GNG12: variants seen among roughly 807,000 people sequenced by gnomAD.
GNG12 encodes G protein subunit gamma 12, also known as guanine nucleotide-binding protein G(I)/G(S)/G(O) subunit gamma-12.
For missense variants in GNG12, 69 were observed against 83.8 expected (o/e 0.82, Z 0.69); for synonymous variants, 28 against 29.7 (o/e 0.94, Z 0.19).
intron 2 of GNG12, among the ~76,000 whole-genome samples, chr1:67,723,257 T>A (rs545571396): frequency 1.3e-5 from 2 of 152,286 alleles, no homozygotes; most frequent in South Asian, 4.1e-4. Flanking sequence ...AGAGGATGGC[T>A]TTGAGCCTTT....
At chr1:67,800,423 A>G (rs1354688132) in intron 1 of GNG12, among the ~76,000 whole-genome samples, 1 of 152,166 alleles carries the variant, frequency 6.6e-6, no homozygotes, top group Non-Finnish European at 1.5e-5. Context: ...CTTTTTTGAG[A>G]AAATGTCTGC....
At chr1:67,751,726 CT>C (rs1260580385) in intron 2 of GNG12, among the ~76,000 whole-genome samples, 3 of 152,202 alleles carry the variant, frequency 2.0e-5, no homozygotes, top group Non-Finnish European at 4.4e-5. Context: ...TCCAGCATGG[CT>C]TGTGAGACAT....
intron 2 of GNG12, among the ~76,000 whole-genome samples, chr1:67,755,471 A>G (rs1019487979): frequency 1.3e-4 from 20 of 152,204 alleles, no homozygotes; most frequent in African/African-American, 4.8e-4. Flanking sequence ...TGTATCTCCC[A>G]GAGGCTGGTG....
intron 2 of GNG12, among the ~76,000 whole-genome samples, chr1:67,730,304 A>G (rs984432151): frequency 6.6e-6 from 1 of 152,246 alleles, no homozygotes; most frequent in African/African-American, 2.4e-5. Context: ...GTCCGAGACC[A>G]GCCTCGCCAA....
At chr1:67,812,849 C>T (rs1646933379) in intron 1 of GNG12, among the ~76,000 whole-genome samples, 1 of 152,210 alleles carries the variant, frequency 6.6e-6, no homozygotes, top group East Asian at 1.9e-4. Flanking sequence ...CAGACTGAAC[C>T]TGTCCTTCAT....
chr1:67,775,810 G>A (rs984972174), intron 2 of GNG12, among the ~76,000 whole-genome samples: 6 of 152,158 alleles, frequency 3.9e-5, no homozygotes, highest in Non-Finnish European at 7.3e-5. Flanking sequence ...TAGAAAGGAA[G>A]GCCATGTCAT....
At chr1:67,748,755 G>A (rs1286935467) in intron 2 of GNG12, among the ~76,000 whole-genome samples, 1 of 152,196 alleles carries the variant, frequency 6.6e-6, no homozygotes. Flanking sequence ...GAGAGCATGT[G>A]AGATCTGAAA....
intron 2 of GNG12, among the ~76,000 whole-genome samples, chr1:67,727,910 C>T (rs976107235): frequency 6.6e-6 from 1 of 152,106 alleles, no homozygotes; most frequent in Non-Finnish European, 1.5e-5. Flanking sequence ...AAAACAGAAC[C>T]TTTTGCCTCA....
intron 1 of GNG12, among the ~76,000 whole-genome samples, chr1:67,814,972 T>A (rs1476531795): frequency 1.3e-5 from 2 of 152,202 alleles, no homozygotes; most frequent in African/African-American, 2.4e-5. Context: ...AAAAAGTTAG[T>A]TTCAAAACCA....
At chr1:67,828,566 T>A (rs939859503) in intron 1 of GNG12, among the ~76,000 whole-genome samples, 1 of 152,194 alleles carries the variant, frequency 6.6e-6, no homozygotes, top group Non-Finnish European at 1.5e-5. Flanking sequence ...GCTCAGGATA[T>A]ATAATATATA....
intron 3 of GNG12, among the ~76,000 whole-genome samples, chr1:67,706,652 CTTTCTTTT>C (rs1322657209): frequency 3.0e-5 from 3 of 99,366 alleles, no homozygotes; most frequent in Non-Finnish European, 4.4e-5. Context: ...TTTTTCTTTT[CTTTCTTTT>C]TTTTTTTTTT....
chr1:67,808,039 G>A (rs1211760725), intron 1 of GNG12, among the ~76,000 whole-genome samples: 1 of 152,024 alleles, frequency 6.6e-6, no homozygotes, highest in Non-Finnish European at 1.5e-5. Flanking sequence ...CATGAATGAA[G>A]ATGCAAAAAT....
intron 2 of GNG12, among the ~76,000 whole-genome samples, chr1:67,759,162 TACA>T (rs1169227069): frequency 6.6e-6 from 1 of 152,190 alleles, no homozygotes; most frequent in African/African-American, 2.4e-5. Flanking sequence ...ACAACTATTA[TACA>T]ACAATAAAAA....
chr1:67,765,792 A>T (rs980196395), intron 2 of GNG12, among the ~76,000 whole-genome samples: 1 of 152,224 alleles, frequency 6.6e-6, no homozygotes, highest in African/African-American at 2.4e-5. Flanking sequence ...AATGTGGGTG[A>T]CATAGCTAAA....
intron 1 of GNG12, among the ~76,000 whole-genome samples, chr1:67,795,499 G>A (rs539619741): frequency 6.6e-6 from 1 of 152,294 alleles, no homozygotes; most frequent in South Asian, 2.1e-4. Context: ...TTAAATGTAT[G>A]AGAAAAAATA....
chr1:67,757,765 A>T (rs1308386679), intron 2 of GNG12, among the ~76,000 whole-genome samples: 2 of 152,278 alleles, frequency 1.3e-5, no homozygotes, highest in East Asian at 3.9e-4. Flanking sequence ...AGGGAGAAAA[A>T]TTCAGAAGGA....
intron 2 of GNG12, among the ~76,000 whole-genome samples, chr1:67,742,571 C>T (rs953892628): frequency 1.6e-4 from 24 of 151,924 alleles, no homozygotes; most frequent in African/African-American, 5.6e-4. Context: ...AATTTGGGGG[C>T]CTGAAATGAC....
intron 2 of GNG12, among the ~76,000 whole-genome samples, chr1:67,754,377 G>A (rs1162294610): frequency 3.3e-5 from 5 of 152,098 alleles, no homozygotes; most frequent in South Asian, 2.1e-4. Context: ...GGCAGCTGCC[G>A]AAGCCAGACA....
At chr1:67,788,392 G>T (rs1185417463) in intron 1 of GNG12, among the ~76,000 whole-genome samples, 1 of 152,074 alleles carries the variant, frequency 6.6e-6, no homozygotes, top group African/African-American at 2.4e-5. Flanking sequence ...GAGTATAGTG[G>T]TGCGATCAGG....
Sources: allele counts gnomAD v4.1 joint callset (sites outside exome capture counted in the v4.1 genomes callset), GRCh38; gene constraint gnomAD v4.1.1; transcripts MANE v1.5; gene names NCBI Gene and HGNC (gene_info 2026-07-23, HGNC 2026-07-21).